The following XIST variants were observed in gnomAD, a reference collection of about 807,000 sequenced individuals.
The protein encoded by XIST is X inactive specific transcript (non-protein coding).
At chrX:73,842,632 A>G (rs775609306) in exon 1 of XIST, 1 of 556,628 alleles carries the variant, frequency 1.8e-6, no homozygotes, top group African/African-American at 2.2e-5. Context: ...TACTGTGTTT[A>G]TTAATAACAC....
At position 73,825,753 on chromosome X, in the gene XIST, CA is replaced by C. The variant is rs1004876310; in HGVS notation, n.14147del. The stretch of plus-strand genomic sequence containing the variant: ...GACCCCTGATTTACATAATGCTTCA[CA>C]ATTTACACTGCACTTTCAAATGTTA... On this transcript the variant is annotated non_coding_transcript_exon_variant, in exon 6 of 6. Transcript: ENST00000429829. The C allele has an allele frequency of 5.8e-6, 3 of 514,208 alleles. No homozygotes were observed. The African/African-American group carries it at 6.9e-5, about 12-fold the overall frequency. 42.4% of individuals were successfully genotyped at this position (514,208 alleles called of 1,213,427 possible).
exon 1 of XIST, chrX:73,844,886 T>C (rs752632851): frequency 3.7e-6 from 2 of 543,826 alleles, no homozygotes; most frequent in African/African-American, 2.5e-5. Context: ...AAATGTAAGG[T>C]TCTTATGGAG....
exon 1 of XIST, chrX:73,850,727 G>A (rs1569512873): frequency 4.0e-6 from 1 of 248,016 alleles, no homozygotes; most frequent in South Asian, 3.4e-5. Context: ...GAGGTGGGGG[G>A]TGGGGGGTGG....
exon 1 of XIST, chrX:73,849,217 G>A (rs1474231942): frequency 3.6e-6 from 2 of 557,478 alleles, no homozygotes; most frequent in African/African-American, 4.5e-5. Context: ...AAGAACAGCA[G>A]GATTCTCCAG....
chrX:73,827,569 A>T (rs778240837), exon 6 of XIST: 1 of 545,193 alleles, frequency 1.8e-6, no homozygotes, highest in Non-Finnish European at 3.3e-6. Flanking sequence ...TAAAAAGTAG[A>T]AACAGCAGAA....
At chrX:73,852,216 A>G (rs764537961) in exon 1 of XIST, 2 of 548,225 alleles carry the variant, frequency 3.6e-6, no homozygotes, top group Admixed American at 4.6e-5. Flanking sequence ...TTCAGAGGGG[A>G]AGGGAATCAG....
chrX:73,845,818 G>T (rs748549583), exon 1 of XIST: 1 of 549,639 alleles, frequency 1.8e-6, no homozygotes, highest in Admixed American at 2.3e-5. Flanking sequence ...ACTGGGAGTG[G>T]GGGTGGGGGC....
At chrX:73,835,617 T>C (rs1036233985) in intron 2 of XIST, among the ~76,000 whole-genome samples, 1 of 112,428 alleles carries the variant, frequency 8.9e-6, no homozygotes, top group Non-Finnish European at 1.9e-5. Context: ...GTTCATACAC[T>C]TTAACTTAAC....
exon 1 of XIST, chrX:73,843,786 T>C (rs763898096): frequency 8.9e-6 from 5 of 558,676 alleles, no homozygotes; most frequent in Non-Finnish European, 1.6e-5. Context: ...CCTTATCTAG[T>C]GCACAGATCA....
chrX:73,826,751 G>A (rs1437790576), exon 6 of XIST: 1 of 558,505 alleles, frequency 1.8e-6, no homozygotes, highest in Admixed American at 2.2e-5. Context: ...TTTCGCTTGG[G>A]TCCTCTATCC....
exon 1 of XIST, chrX:73,846,845 C>T (rs755110649): frequency 3.1e-5 from 17 of 557,320 alleles, no homozygotes; most frequent in Non-Finnish European, 4.9e-5. Flanking sequence ...AGAAAGGGGC[C>T]TTAAGTGAAT....
At chrX:73,824,061 A>G (rs529416624) in exon 6 of XIST, 13 of 555,240 alleles carry the variant, frequency 2.3e-5, no homozygotes, top group Middle Eastern at 3.1e-4. Context: ...ATCTCTAAGG[A>G]TAAGAGTAAT....
At chrX:73,821,848 A>G in exon 6 of XIST, 2 of 545,634 alleles carry the variant, frequency 3.7e-6, no homozygotes, top group South Asian at 4.7e-5. Context: ...AGCTGTTTTC[A>G]TCCACTGATA....
Position 73,830,360 on chromosome X carries a change from T to C in XIST, n.11752+706A>G, listed in dbSNP as rs916546257. Among the ~76,000 whole-genome samples, 4 of 111,895 alleles carry C rather than the reference T, an allele frequency of 3.6e-5. No individual in the cohort carries two copies. The Admixed American group carries it at 3.8e-4, about 11-fold the overall frequency. ...AAGAGTTCTTACCCATGAAAATATTTCATGAAATTTATAGCTACCCACTAT... is the reference window on the plus strand; with the variant it reads ...AAGAGTTCTTACCCATGAAAATATTCCATGAAATTTATAGCTACCCACTAT... On this transcript the variant is annotated intron_variant and non_coding_transcript_variant, in intron 4 of 5. Transcript: ENST00000429829.
chrX:73,831,723 G>A (rs1922388508), intron 3 of XIST, among the ~76,000 whole-genome samples: 1 of 111,597 alleles, frequency 9.0e-6, no homozygotes, highest in East Asian at 2.8e-4. Flanking sequence ...ACACAGAAAA[G>A]GTCGGATGTG....
exon 1 of XIST, chrX:73,850,177 G>A (rs1484606882): frequency 7.2e-6 from 4 of 553,762 alleles, no homozygotes; most frequent in Non-Finnish European, 6.5e-6. Flanking sequence ...CTGTTTCTGT[G>A]CTACAGACTC....
chrX:73,844,591 G>C, exon 1 of XIST: 1 of 559,029 alleles, frequency 1.8e-6, no homozygotes, highest in Non-Finnish European at 3.2e-6. Flanking sequence ...CAAATGTAAG[G>C]GTCTTATGGA....
intron 2 of XIST, among the ~76,000 whole-genome samples, chrX:73,835,683 G>C (rs888874808): frequency 9.0e-6 from 1 of 111,502 alleles, no homozygotes; most frequent in Non-Finnish European, 1.9e-5. Context: ...TACAGAAAAC[G>C]TTTAATCAAA....
exon 1 of XIST, chrX:73,850,682 AG>A: frequency 4.0e-6 from 1 of 248,731 alleles, no homozygotes; most frequent in Admixed American, 5.3e-5. Context: ...GGCAGACCAG[AG>A]GGGGGTAGGG....
Sources: gnomAD v4.1 joint callset for allele counts (sites outside exome capture counted in the v4.1 genomes callset) on GRCh38, gnomAD v4.1.1 for gene constraint, MANE v1.5 for transcripts, NCBI Gene and HGNC (gene_info 2026-07-23, HGNC 2026-07-21) for gene names.